The following USP7 variants were observed in gnomAD, a reference collection of about 807,000 sequenced individuals.
USP7 encodes the protein ubiquitin specific peptidase 7.
A neutral mutation model predicts 162.9 loss-of-function variants in USP7; 9 were observed. The ratio of observed to expected loss-of-function variants is 0.06; its 90% CI spans 0.03 to 0.10. The LOEUF is 0.10. USP7 is among the 10% of genes least tolerant of loss of function. USP7 has a pLI of 1.00. For synonymous variants in USP7, 562 were observed against 475.9 expected (o/e 1.18, Z -2.35); for missense variants, 715 against 1,373.7 (o/e 0.52, Z 7.58).
At chr16:8,926,133 G>A (rs1362982940) in intron 2 of USP7, among the ~76,000 whole-genome samples, 10 of 143,934 alleles carry the variant, frequency 6.9e-5, no homozygotes, top group South Asian at 2.2e-4. Context: ...TAGCCTGGGC[G>A]ACAGAGCGAG....
intron 1 of USP7, among the ~76,000 whole-genome samples, chr16:8,943,726 A>G (rs779040229): frequency 6.6e-6 from 1 of 152,212 alleles, no homozygotes; most frequent in Non-Finnish European, 1.5e-5. Context: ...CCCAAAGGCA[A>G]TATGTATTAA....
intron 1 of USP7, among the ~76,000 whole-genome samples, chr16:8,950,749 G>T (rs1899510571): frequency 6.6e-6 from 1 of 152,230 alleles, no homozygotes; most frequent in African/African-American, 2.4e-5. Flanking sequence ...CATCCCACTG[G>T]CGAGGGACCC....
At chr16:8,931,567 T>C (rs902701868) in intron 1 of USP7, among the ~76,000 whole-genome samples, 1 of 152,252 alleles carries the variant, frequency 6.6e-6, no homozygotes, top group African/African-American at 2.4e-5. Flanking sequence ...TAGGAAAGGA[T>C]AAAATTGTTT....
intron 13 of USP7, 61 bp from the exon 14 acceptor site, chr16:8,905,392 G>C: frequency 8.2e-6 from 13 of 1,591,070 alleles, no homozygotes; most frequent in Non-Finnish European, 1.1e-5. Context: ...CCCAACACTA[G>C]AAGGCAGCGT....
At chr16:8,953,314 T>G (rs1385170007) in intron 1 of USP7, among the ~76,000 whole-genome samples, 1 of 151,660 alleles carries the variant, frequency 6.6e-6, no homozygotes, top group Non-Finnish European at 1.5e-5. Flanking sequence ...CGGGGTAGAG[T>G]TGAGACCATA....
chr16:8,934,130 G>A (rs1002640130), intron 1 of USP7, among the ~76,000 whole-genome samples: 3 of 152,116 alleles, frequency 2.0e-5, no homozygotes, highest in Admixed American at 1.3e-4. Context: ...CTTACCCTAC[G>A]ACAATAGCTT....
intron 1 of USP7, among the ~76,000 whole-genome samples, chr16:8,954,828 G>A (rs1899718486): frequency 6.6e-6 from 1 of 152,090 alleles, no homozygotes; most frequent in African/African-American, 2.4e-5. Flanking sequence ...GGTGCGGTGA[G>A]GGGCGCCTGT....
At position 8,963,808 on chromosome 16, in the gene USP7, C is replaced by T. The variant is rs1296048562; in HGVS notation, c.-523G>A. ...CCGGCCGCGTTCCGAGAGCCGCGGC[C>T]TCCGCCTCCTCGGCGTCGTCGTCGG... is the stretch of plus-strand genomic sequence containing the variant. On this transcript the variant is annotated 5_prime_UTR_variant, in exon 1 of 31. Transcript: ENST00000344836. Among the ~76,000 whole-genome samples, 2 of 146,242 alleles carry T rather than the reference C, an allele frequency of 1.4e-5. No individual in the cohort carries two copies. Among genetic ancestry groups the T allele is most frequent in the Non-Finnish European group, 3.0e-5 (2 of 65,768 alleles).
At chr16:8,949,193 G>A (rs372674528) in intron 1 of USP7, among the ~76,000 whole-genome samples, 7 of 152,198 alleles carry the variant, frequency 4.6e-5, no homozygotes, top group African/African-American at 1.7e-4. Context: ...TAAAAATCAT[G>A]ATTGTTACCG....
chr16:8,947,272 TACA>T (rs1376244455), intron 1 of USP7, among the ~76,000 whole-genome samples: 2 of 152,196 alleles, frequency 1.3e-5, no homozygotes, highest in African/African-American at 2.4e-5. Context: ...TTATTTTTTA[TACA>T]ACATTACTTG....
chr16:8,899,359 C>A, intron 22 of USP7, 171 bp from the exon 23 acceptor site: 1 of 742,142 alleles, frequency 1.3e-6, no homozygotes. Flanking sequence ...ATGGGAGTAG[C>A]ATATCTGATG....
intron 1 of USP7, among the ~76,000 whole-genome samples, chr16:8,935,345 G>T (rs1348111524): frequency 6.6e-6 from 1 of 152,062 alleles, no homozygotes; most frequent in Non-Finnish European, 1.5e-5. Flanking sequence ...GAGTAGCTGG[G>T]ATTACAGGCA....
Position 8,902,206 on chromosome 16 carries a change from C to T in USP7, c.1942-19G>A, listed in dbSNP as rs2061785761. ...CAATCATCTATTTCCAAAAGAGACG[C>T]TGATTTTAGAAGAGTCTAATGGCTT... On this transcript the variant is annotated intron_variant, in intron 17 of 30. Coordinates refer to ENST00000344836, the MANE Select transcript of USP7 (RefSeq NM_003470.3). 1.2e-6 allele frequency: 2 copies of T among 1,612,564 alleles called. No individual in the cohort carries two copies. The highest frequency in any genetic ancestry group is 1.1e-5 in the South Asian group (1 of 90,906).
chr16:8,945,466 A>G (rs939036604), intron 1 of USP7, among the ~76,000 whole-genome samples: 6 of 152,182 alleles, frequency 3.9e-5, no homozygotes, highest in African/African-American at 1.4e-4. Context: ...TTCATGGGTT[A>G]GTGGGGGCTT....
chr16:8,899,488 G>T, intron 22 of USP7, 116 bp downstream of exon 22: 3 of 1,315,940 alleles, frequency 2.3e-6, no homozygotes, highest in Non-Finnish European at 3.1e-6. Context: ...AGATTTCCTC[G>T]GGCATAGCCC....
At chr16:8,960,013 G>A (rs1337264684) in intron 1 of USP7, among the ~76,000 whole-genome samples, 4 of 152,324 alleles carry the variant, frequency 2.6e-5, no homozygotes, top group South Asian at 2.1e-4. Flanking sequence ...GCAGAAGCAA[G>A]GCCTCCTGAT....
intron 1 of USP7, 114 bp from the exon 2 acceptor site, chr16:8,930,511 AC>A: frequency 1.5e-6 from 1 of 674,436 alleles, no homozygotes. Flanking sequence ...TTCCAATTGT[AC>A]CACAATAAAG....
chr16:8,919,947 T>C lies in USP7; in HGVS notation c.611+412A>G, dbSNP rs139730767. Among the ~76,000 whole-genome samples the C allele has an allele frequency of 2.1e-3, 325 of 152,266 alleles. 1 individual carries two copies. Among genetic ancestry groups the C allele is most frequent in the African/African-American group, 7.5e-3 (312 of 41,554 alleles). ...ACCCCTCTTTACTCCTCGCTCACCA[T>C]GTTAGTTGTCGGTGATGCTCACCTC... On this transcript the variant is annotated intron_variant, in intron 5 of 30. Coordinates refer to ENST00000344836, the MANE Select transcript of USP7 (RefSeq NM_003470.3).
At chr16:8,912,491 A>T (rs1454631670) in intron 10 of USP7, among the ~76,000 whole-genome samples, 2 of 152,072 alleles carry the variant, frequency 1.3e-5, no homozygotes, top group African/African-American at 4.8e-5. Context: ...AACATTACCA[A>T]GCATGCAAAG....
Sources: allele counts gnomAD v4.1 joint callset (sites outside exome capture counted in the v4.1 genomes callset), GRCh38; gene constraint gnomAD v4.1.1; transcripts MANE v1.5; gene names NCBI Gene and HGNC (gene_info 2026-07-23, HGNC 2026-07-21).